CSMD3: variants seen among roughly 807,000 people sequenced by gnomAD.
CSMD3 encodes the protein CUB and sushi domain-containing protein 3.
A neutral mutation model predicts 435.2 loss-of-function variants in CSMD3; 177 were observed. The ratio of observed to expected loss-of-function variants is 0.41; its 90% confidence interval spans 0.36 to 0.46. CSMD3 has a LOEUF of 0.46. CSMD3 is among the 20% of genes least tolerant of loss of function. CSMD3 has a pLI of 0.34. For missense variants in CSMD3, 4,265 were observed against 4,504.6 expected, an observed-to-expected ratio of 0.95 and a Z score of 1.52; for synonymous variants, 1,656 against 1,520.5, an observed-to-expected ratio of 1.09 and a Z score of -2.07.
At chr8:113,147,473 A>C (rs1319476756) in intron 4 of CSMD3, among the ~76,000 whole-genome samples, 1 of 151,212 alleles carries the variant, frequency 6.6e-6, no homozygotes, top group African/African-American at 2.4e-5. Flanking sequence ...CTTTTTTATG[A>C]TCTTAGTATT....
At chr8:113,385,180 T>C (rs552954487) in intron 1 of CSMD3, among the ~76,000 whole-genome samples, 1 of 152,206 alleles carries the variant, frequency 6.6e-6, no homozygotes, top group Non-Finnish European at 1.5e-5. Context: ...TTAGTACATA[T>C]TCCTGCCTGA....
At chr8:112,755,331 AAATAATAATAATAAT>A (rs71309790) in intron 13 of CSMD3, among the ~76,000 whole-genome samples, 1 of 128,734 alleles carries the variant, frequency 7.8e-6, no homozygotes, top group Non-Finnish European at 1.6e-5. Context: ...ACTCCGTCTC[AAATAATAATAATAAT>A]AATAATAATA....
intron 22 of CSMD3, among the ~76,000 whole-genome samples, chr8:112,604,065 T>C (rs80343206): frequency 0.04 from 6,016 of 152,274 alleles, 137 homozygotes; most frequent in African/African-American, 0.063. Context: ...ACTTATGCTC[T>C]CCAAAACTAA....
chr8:112,859,731 T>A (rs945117132), intron 10 of CSMD3, among the ~76,000 whole-genome samples: 1 of 151,614 alleles, frequency 6.6e-6, no homozygotes, highest in Non-Finnish European at 1.5e-5. Context: ...CTTATAACTA[T>A]GAATTAAAGA....
intron 61 of CSMD3, chr8:112,255,869 G>T (rs10505182): frequency 0.18 from 30,317 of 169,220 alleles, 3,250 homozygotes; most frequent in Middle Eastern, 0.34. Context: ...TATATAAAAA[G>T]CTCTGGTTAT....
At chr8:113,335,294 C>T (rs915645680) in intron 1 of CSMD3, among the ~76,000 whole-genome samples, 1 of 152,018 alleles carries the variant, frequency 6.6e-6, no homozygotes, top group Non-Finnish European at 1.5e-5. Flanking sequence ...TATAATTACC[C>T]AGTCTCGGGT....
chr8:113,361,241 T>A (rs2094273891), intron 1 of CSMD3, among the ~76,000 whole-genome samples: 1 of 152,190 alleles, frequency 6.6e-6, no homozygotes, highest in African/African-American at 2.4e-5. Context: ...GCACTGATGT[T>A]ACACTTTTGC....
At chr8:112,981,059 CA>C (rs964766252) in intron 6 of CSMD3, among the ~76,000 whole-genome samples, 5 of 151,144 alleles carry the variant, frequency 3.3e-5, no homozygotes, top group African/African-American at 1.2e-4. Context: ...TTATAATTTT[CA>C]AAAAATGTAT....
chr8:112,736,190 T>G (rs1393845549), intron 13 of CSMD3, among the ~76,000 whole-genome samples: 1 of 152,046 alleles, frequency 6.6e-6, no homozygotes. Context: ...TTGTCATTGA[T>G]GGACTTTCAT....
intron 1 of CSMD3, among the ~76,000 whole-genome samples, chr8:113,354,897 C>T (rs2094211741): frequency 6.6e-6 from 1 of 152,128 alleles, no homozygotes; most frequent in Non-Finnish European, 1.5e-5. Context: ...CCTGGGCCTT[C>T]CAAAATGCTG....
intron 23 of CSMD3, among the ~76,000 whole-genome samples, chr8:112,584,444 G>A (rs748297355): frequency 6.6e-6 from 1 of 151,634 alleles, no homozygotes; most frequent in Non-Finnish European, 1.5e-5. Context: ...GAGGAGAGAA[G>A]AAAAAAGACA....
At chr8:112,844,780 C>T (rs938986707) in intron 11 of CSMD3, among the ~76,000 whole-genome samples, 1 of 151,890 alleles carries the variant, frequency 6.6e-6, no homozygotes, top group Non-Finnish European at 1.5e-5. Flanking sequence ...AATTGAAAAG[C>T]CTGTGCATCT....
chr8:112,808,104 AC>A (rs2079135912), intron 12 of CSMD3, among the ~76,000 whole-genome samples: 1 of 152,190 alleles, frequency 6.6e-6, no homozygotes, highest in Admixed American at 6.5e-5. Context: ...TTCCTAAGGT[AC>A]ATGTGGCAGT....
chr8:112,525,388 C>T, intron 27 of CSMD3, among the ~76,000 whole-genome samples: 1 of 149,408 alleles, frequency 6.7e-6, no homozygotes, highest in Non-Finnish European at 1.5e-5. Context: ...TAACTTTATT[C>T]TATCCCAGAA....
intron 4 of CSMD3, among the ~76,000 whole-genome samples, chr8:113,168,551 C>G (rs1302501931): frequency 1.5e-5 from 1 of 67,602 alleles, no homozygotes; most frequent in Admixed American, 1.7e-4. Context: ...AAAAAAACTA[C>G]AGATTTTAGC....
chr8:112,492,781 T>A, intron 30 of CSMD3, 98 bp from the exon 31 acceptor site: 1 of 966,148 alleles, frequency 1.0e-6, no homozygotes, highest in Non-Finnish European at 1.7e-6. Context: ...CAACTGCAGA[T>A]TGAAAATATT....
chr8:112,232,250 C>G (rs1260504579), intron 68 of CSMD3, among the ~76,000 whole-genome samples: 5 of 152,162 alleles, frequency 3.3e-5, no homozygotes, highest in African/African-American at 4.8e-5. Flanking sequence ...TTACTCAGAG[C>G]TGATTTGAGA....
intron 24 of CSMD3, among the ~76,000 whole-genome samples, chr8:112,557,208 C>A (rs975930861): frequency 2.6e-5 from 4 of 151,870 alleles, no homozygotes; most frequent in Middle Eastern, 3.4e-3. Context: ...GCTTGTGGTA[C>A]TAAGCTTCCT....
At chr8:113,244,473 G>A (rs532479703) in intron 3 of CSMD3, among the ~76,000 whole-genome samples, 5 of 152,016 alleles carry the variant, frequency 3.3e-5, no homozygotes, top group African/African-American at 9.6e-5. Flanking sequence ...GTGTCACCAC[G>A]CCTGACTAAT....
Sources: allele counts gnomAD v4.1 joint callset (sites outside exome capture counted in the v4.1 genomes callset), GRCh38; gene constraint gnomAD v4.1.1; transcripts MANE v1.5; gene names NCBI Gene and HGNC (gene_info 2026-07-23, HGNC 2026-07-21).